The following EML6 variants were observed in gnomAD, a reference collection of about 807,000 sequenced individuals.
EML6 encodes the protein EMAP like 6, also known as echinoderm microtubule-associated protein-like 6.
Under a neutral mutation model 240.1 loss-of-function variants are expected in EML6, and 154 were observed. The ratio of observed to expected loss-of-function variants is 0.64; its 90% CI spans 0.56 to 0.73. The LOEUF (loss-of-function observed/expected upper bound fraction) is 0.73, where lower values mean the gene tolerates loss of function less well. Ranked by LOEUF, EML6 falls within the 30% of genes least tolerant of loss-of-function variation. The pLI is 0.00. For synonymous variants in EML6, 1,148 were observed against 899.0 expected, an observed-to-expected ratio of 1.28 and a Z score of -4.95; for missense variants, 2,964 against 2,474.6, an observed-to-expected ratio of 1.20 and a Z score of -4.20.
intron 21 of EML6, among the ~76,000 whole-genome samples, chr2:54,896,130 C>G (rs1463874276): frequency 6.6e-6 from 1 of 152,166 alleles, no homozygotes; most frequent in Non-Finnish European, 1.5e-5. Flanking sequence ...ATACAGAATC[C>G]TTTACCTCCA....
At chr2:54,796,442 A>AT (rs965042671) in intron 2 of EML6, among the ~76,000 whole-genome samples, 26 of 151,350 alleles carry the variant, frequency 1.7e-4, no homozygotes, top group African/African-American at 2.4e-4. Context: ...TAACCTGTGC[A>AT]TTTTTTTTGA....
Position 54,948,923 on chromosome 2 carries a change from A to C in EML6, c.4046A>C (p.Gln1349Pro), listed in dbSNP as rs1180713141. The change falls in exon 29 of 42, where the codon CAG (glutamine) becomes CCG (proline). Residue 1349 changes from glutamine (Q) to proline (P), a missense_variant. By Grantham distance (76) the Gln-to-Pro change is moderately conservative. Transcript: ENST00000356458. Reference protein sequence around the residue: ...SRAAPQPEKLQKNNITKKKKL... With the variant: ...SRAAPQPEKLPKNNITKKKKL... ...GCAGCTCCCCAGCCTGAGAAACTGCAGAAGAACAATATCACCAAAAAAAAG... is the reference window on the plus strand; with the variant it reads ...GCAGCTCCCCAGCCTGAGAAACTGCCGAAGAACAATATCACCAAAAAAAAG... The C allele has an allele frequency of 1.3e-6, 2 of 1,551,556 alleles. No homozygotes were observed. Among genetic ancestry groups the C allele is most frequent in the Non-Finnish European group, 1.7e-6 (2 of 1,146,960 alleles).
At chr2:54,945,893 A>G (rs1273637939) in intron 28 of EML6, among the ~76,000 whole-genome samples, 1 of 152,204 alleles carries the variant, frequency 6.6e-6, no homozygotes, top group African/African-American at 2.4e-5. Flanking sequence ...TGGCCTTCCC[A>G]TGATCCTGCC....
At chr2:54,754,529 G>A (rs1327388006) in intron 2 of EML6, among the ~76,000 whole-genome samples, 1 of 151,958 alleles carries the variant, frequency 6.6e-6, no homozygotes, top group East Asian at 1.9e-4. Context: ...AAATAACTGG[G>A]TTGCCTGTCT....
Position 54,971,225 on chromosome 2 carries a change from T to C in EML6, c.*1130T>C, listed in dbSNP as rs1407041229. The C allele has an allele frequency of 6.6e-6, 1 of 152,234 alleles. No individual in the cohort carries two copies. Among genetic ancestry groups the C allele is most frequent in the Non-Finnish European group, 1.5e-5 (1 of 68,042 alleles). 9.4% of individuals were successfully genotyped at this position (152,234 alleles called of 1,614,324 possible). On this transcript the variant is annotated 3_prime_UTR_variant, in exon 42 of 42. Coordinates refer to ENST00000356458, the MANE Select transcript of EML6 (RefSeq NM_001039753.4). ...AGGAATAGCTGGTAAATCAAAATTA[T>C]AAAGTGAGTTAGAGTTCCTTGGAGT...
chr2:54,870,828 G>A lies in EML6; in HGVS notation c.2239-672G>A, dbSNP rs1428957146. 2.0e-5 allele frequency among the ~76,000 whole-genome samples: 3 copies of A among 152,240 alleles called. No individual in the cohort carries two copies. The East Asian group carries it at 5.8e-4, about 29-fold the overall frequency. On this transcript the variant is annotated intron_variant, in intron 15 of 41. Transcript: ENST00000356458. ...CCACAGACCTCTGTAGGAGTGGCCT[G>A]GATTCTGCTCATTTATGCCTATGGC... is the stretch of plus-strand genomic sequence containing the variant.
chr2:54,961,183 A>ATTTTTTTTTTTTTTTTTTTTTTT (rs1676476890), intron 35 of EML6, among the ~76,000 whole-genome samples: 1 of 7,896 alleles, frequency 1.3e-4, no homozygotes, highest in African/African-American at 9.6e-4. Flanking sequence ...ATCAGGAAGT[A>ATTTTTTTTTTTTTTTTTTTTTTT]GTTTTTTTTT....
chr2:54,968,205 A>G lies in EML6; in HGVS notation c.5675A>G (p.His1892Arg). 1 of 1,551,734 alleles carries G rather than the reference A, an allele frequency of 6.4e-7. No individual in the cohort carries two copies. The highest frequency in any genetic ancestry group is 8.7e-7 in the Non-Finnish European group (1 of 1,146,980). The change falls in exon 40 of 42, where the codon CAC (histidine) becomes CGC (arginine). Residue 1892 changes from histidine to arginine, a missense_variant. His to Arg is a conservative substitution (Grantham distance 29). Transcript: ENST00000356458. ...GATGTCAACTGCGCATGTGTGACCCACGCTGGCCTGAACATTGTCACAGGA... is the reference window on the plus strand; with the variant it reads ...GATGTCAACTGCGCATGTGTGACCCGCGCTGGCCTGAACATTGTCACAGGA... ...KADVNCACVT[H>R]AGLNIVTGDD...
chr2:54,735,776 G>C (rs1223581102), intron 2 of EML6, among the ~76,000 whole-genome samples: 1 of 152,184 alleles, frequency 6.6e-6, no homozygotes, highest in East Asian at 1.9e-4. Context: ...AGCAACTTTT[G>C]AAAATCTGTT....
chr2:54,767,092 C>T (rs935821753), intron 2 of EML6, among the ~76,000 whole-genome samples: 2 of 152,096 alleles, frequency 1.3e-5, no homozygotes, highest in African/African-American at 4.8e-5. Flanking sequence ...GTCAAAATTA[C>T]CCTCCTTGAA....
intron 7 of EML6, among the ~76,000 whole-genome samples, chr2:54,837,198 C>T (rs763709183): frequency 2.0e-5 from 3 of 152,204 alleles, no homozygotes; most frequent in Non-Finnish European, 4.4e-5. Context: ...TGTCTTGTTT[C>T]ACCTTCAGTA....
chr2:54,959,366 A>C, intron 34 of EML6, 105 bp downstream of exon 34: 1 of 1,138,884 alleles, frequency 8.8e-7, no homozygotes, highest in South Asian at 1.7e-5. Context: ...TCATCCTCCT[A>C]TCTTTTTTGC....
chr2:54,750,082 G>A (rs1684090542), intron 2 of EML6, among the ~76,000 whole-genome samples: 4 of 152,240 alleles, frequency 2.6e-5, no homozygotes, highest in Non-Finnish European at 5.9e-5. Flanking sequence ...AAGTACTTTG[G>A]CACAGAGCAG....
At position 54,954,029 on chromosome 2, in the gene EML6, C is replaced by A. The variant is rs1046848984; in HGVS notation, c.4359C>A (p.Thr1453=). 2 of 1,551,856 alleles carry A rather than the reference C, an allele frequency of 1.3e-6. No homozygotes were observed. The highest frequency in any genetic ancestry group is 3.9e-5 in the Admixed American group (2 of 50,980). The change falls in exon 32 of 42, where the codon ACC becomes ACA. Residue 1453 remains threonine (T), a synonymous_variant. Transcript: ENST00000356458. ...TATGGGACGCCATGACCAAACACACCCTCTCCATGCTGCGGTGCTTCCACT... is the reference window on the plus strand; with the variant it reads ...TATGGGACGCCATGACCAAACACACACTCTCCATGCTGCGGTGCTTCCACT... The part of the protein sequence containing the change: ...IHIWDAMTKH[T]LSMLRCFHSK...
intron 25 of EML6, among the ~76,000 whole-genome samples, chr2:54,916,428 G>A (rs1673911653): frequency 6.6e-6 from 1 of 152,206 alleles, no homozygotes; most frequent in South Asian, 2.1e-4. Context: ...ATCAGTGCTG[G>A]CGTTGGGGAA....
At chr2:54,842,183 A>G (rs1352492622) in intron 7 of EML6, among the ~76,000 whole-genome samples, 1 of 152,156 alleles carries the variant, frequency 6.6e-6, no homozygotes, top group Non-Finnish European at 1.5e-5. Context: ...ATAGTATCCT[A>G]CAGGATAGTT....
At chr2:54,930,951 A>AT (rs1443279762) in intron 28 of EML6, among the ~76,000 whole-genome samples, 1 of 121,834 alleles carries the variant, frequency 8.2e-6, no homozygotes. Flanking sequence ...GACCGTAGGC[A>AT]TCTTTTTTTT....
At chr2:54,845,155 A>G (rs1028630211) in intron 8 of EML6, among the ~76,000 whole-genome samples, 1 of 152,222 alleles carries the variant, frequency 6.6e-6, no homozygotes, top group Non-Finnish European at 1.5e-5. Flanking sequence ...TAGTGTAGTC[A>G]TTAATTCTGT....
intron 2 of EML6, among the ~76,000 whole-genome samples, chr2:54,743,289 G>A (rs896254864): frequency 1.3e-5 from 2 of 152,170 alleles, no homozygotes; most frequent in Admixed American, 1.3e-4. Flanking sequence ...TGGAATGTGG[G>A]AGGAAAGCAG....
Sources: gnomAD v4.1 joint callset for allele counts (sites outside exome capture counted in the v4.1 genomes callset) on GRCh38, gnomAD v4.1.1 for gene constraint, MANE v1.5 for transcripts, NCBI Gene and HGNC (gene_info 2026-07-23, HGNC 2026-07-21) for gene names.